ATG2A: variants seen among roughly 807,000 people sequenced by gnomAD.
The protein encoded by ATG2A is autophagy-related protein 2 homolog A.
In ATG2A, 103 loss-of-function variants were observed where a neutral mutation model predicts 214.2. The observed-to-expected ratio is 0.48, with a 90% CI of 0.41 to 0.57. The LOEUF is 0.57. Among genes scored for constraint, ATG2A ranks in the 20% least tolerant of loss-of-function variants. The probability of loss-of-function intolerance (pLI) is 0.00; values close to 1 mark genes in which losing one functional copy is unlikely to be tolerated. For synonymous variants in ATG2A, 1,160 were observed against 1,142.1 expected, an observed-to-expected ratio of 1.02 and a Z score of -0.32; for missense variants, 2,312 against 2,613.2, an observed-to-expected ratio of 0.88 and a Z score of 2.51.
chr11:64,913,447 G>A lies in ATG2A; in HGVS notation c.591-46C>T. 1 of 1,511,312 alleles carries A rather than the reference G, an allele frequency of 6.6e-7. No homozygotes were observed. Among genetic ancestry groups the A allele is most frequent in the Non-Finnish European group, 8.9e-7 (1 of 1,125,724 alleles). 93.6% of individuals were successfully genotyped at this position (1,511,312 alleles called of 1,614,324 possible). On this transcript the variant is annotated intron_variant, in intron 4 of 40. Coordinates refer to ENST00000377264, the MANE Select transcript of ATG2A (RefSeq NM_015104.3). This position sits in a 1 kb window ranked among gnomAD's most constrained non-coding sequence, Gnocchi z 4.3. ...CCGTGCCCTGGCCACCCCAGGCCTGGAGCCCCTCTCTCCACACAGTGCTCT... is the reference window on the plus strand; with the variant it reads ...CCGTGCCCTGGCCACCCCAGGCCTGAAGCCCCTCTCTCCACACAGTGCTCT...
rs1944901171 is a variant in ATG2A, at chr11:64,914,424, G to GCCA, written c.245_247dup (p.Val82dup). 1 of 1,612,306 alleles carries GCCA rather than the reference G, an allele frequency of 6.2e-7. No homozygotes were observed. Among genetic ancestry groups the GCCA allele is most frequent in the Non-Finnish European group, 8.5e-7 (1 of 1,179,662 alleles). ...GGTGAGCAGAGCAGCCCAGGGCACG[G>GCCA]CCACCTCGATGGAGCCCACGAAGCC... On this transcript the variant is annotated inframe_insertion, in exon 2 of 41. Transcript: ENST00000377264.
Position 64,897,006 on chromosome 11 carries a change from G to A in ATG2A, c.5151-137C>T, listed in dbSNP as rs975698736. 3.4e-5 allele frequency: 41 copies of A among 1,198,162 alleles called. No individual in the cohort carries two copies. The African/African-American group carries it at 5.5e-4, about 16-fold the overall frequency. The allele number at this position is 1,198,162 out of a possible 1,614,324, so 74.2% of individuals were successfully genotyped here. A position where few individuals can be genotyped will look rare whatever the true frequency, so the allele number is the denominator to read the frequency against. On this transcript the variant is annotated intron_variant, in intron 37 of 40. Transcript: ENST00000377264. The stretch of plus-strand genomic sequence containing the variant: ...CCTCCCTGTGGTCCCACCCAGTCAT[G>A]TGCAGAGGGACTGTGTCCTTTTTTT...
At position 64,913,058 on chromosome 11, in the gene ATG2A, C is replaced by A; in HGVS notation, c.805G>T (p.Glu269Ter). 1 of 1,564,422 alleles carries A rather than the reference C, an allele frequency of 6.4e-7. No individual in the cohort carries two copies. The highest frequency in any genetic ancestry group is 8.7e-7 in the Non-Finnish European group (1 of 1,154,050). The change falls in exon 6 of 41, where the codon GAG becomes TAG. Residue 269 changes from glutamate to a stop codon, truncating the protein, a stop_gained. Coordinates refer to ENST00000377264, the MANE Select transcript of ATG2A (RefSeq NM_015104.3). LOFTEE classifies it high-confidence loss of function. The surrounding 1 kb of genome is among the most constrained non-coding windows in gnomAD (Gnocchi z 4.3). ...CCCACCTTGGGGCCAGGGAAGGCCT[C>A]ATTTTGCTTCAACTTCACCATCAGC... ...MELMVKLKQN[E>*]AFPGPKLEVA...
chr11:64,905,450 T>C lies in ATG2A; in HGVS notation c.3464+113A>G. ...CGGAAACAATCCACATTCCTGAGAA[T>C]GAGACTATCACCCGGGTGTACATTA... On this transcript the variant is annotated intron_variant, in intron 24 of 40. Coordinates refer to ENST00000377264, the MANE Select transcript of ATG2A (RefSeq NM_015104.3). 2.6e-6 allele frequency: 3 copies of C among 1,164,742 alleles called. No individual in the cohort carries two copies. In the East Asian group the frequency reaches 7.7e-5, roughly 30 times the overall value. 72.2% of individuals were successfully genotyped at this position (1,164,742 alleles called of 1,614,324 possible).
Position 64,898,944 on chromosome 11 carries a change from C to G in ATG2A, c.4465-102G>C. On this transcript the variant is annotated intron_variant, in intron 31 of 40. Coordinates refer to ENST00000377264, the MANE Select transcript of ATG2A (RefSeq NM_015104.3). This position sits in a 1 kb window ranked among gnomAD's most constrained non-coding sequence, Gnocchi z 4.5. Reference sequence around the variant, plus strand: ...CTATTCTTTTTTTGAGACAGAGTCTCACTCTGTCGCCCAGGTTGGAGTGCA... The same window carrying G: ...CTATTCTTTTTTTGAGACAGAGTCTGACTCTGTCGCCCAGGTTGGAGTGCA... 4 of 1,136,758 alleles carry G rather than the reference C, an allele frequency of 3.5e-6. No homozygotes were observed. Among genetic ancestry groups the G allele is most frequent in the Non-Finnish European group, 5.0e-6 (4 of 802,284 alleles). 70.4% of individuals were successfully genotyped at this position (1,136,758 alleles called of 1,614,324 possible). A position where few individuals can be genotyped will look rare whatever the true frequency, so the allele number is the denominator to read the frequency against.
In ATG2A at chr11:64,909,866, G is replaced by T; in HGVS notation, c.1922C>A (p.Ala641Asp). ...AATGGGGAAGCGCAGCCGCAGCGTG[G>T]CCCGGGGTGCAGAGAGCCGAAATAC... is the stretch of plus-strand genomic sequence containing the variant. ...QTVFRLSAPR[A>D]TLRLRFPIAD... Residue 641 changes from alanine to aspartate, a missense_variant, in exon 14 of 41, where the codon GCC becomes GAC. Transcript: ENST00000377264. 1 of 1,609,210 alleles carries T rather than the reference G, an allele frequency of 6.2e-7. No individual in the cohort carries two copies. The highest frequency in any genetic ancestry group is 1.1e-5 in the South Asian group (1 of 90,962).
At position 64,913,756 on chromosome 11, in the gene ATG2A, G is replaced by A. The variant is rs1944870205; in HGVS notation, c.590+65C>T. The A allele has an allele frequency of 2.0e-6, 3 of 1,511,584 alleles. No individual in the cohort carries two copies. Among genetic ancestry groups the A allele is most frequent in the African/African-American group, 1.4e-5 (1 of 72,738 alleles). 93.6% of individuals were successfully genotyped at this position (1,511,584 alleles called of 1,614,324 possible). A position where few individuals can be genotyped will look rare whatever the true frequency, so the allele number is the denominator to read the frequency against. On this transcript the variant is annotated intron_variant, in intron 4 of 40. Coordinates refer to ENST00000377264, the MANE Select transcript of ATG2A (RefSeq NM_015104.3). This position sits in a 1 kb window ranked among gnomAD's most constrained non-coding sequence, Gnocchi z 4.3. ...TCCCAGGAACCTAGGCTGCGGGTGG[G>A]GACCATCCAGCAGCCCCCACTCCCC...
rs868851769 is a variant in ATG2A at position 64,898,309 on chromosome 11, C to T, written c.4725G>A (p.Glu1575=). 6.2e-7 allele frequency: 1 copy of T among 1,612,798 alleles called. No homozygotes were observed. The part of the protein sequence containing the change: ...VAPTTNLGGP[E]CCLRVSLMPL... ...GCATCAGCGAGACGCGGAGACAGCACTCAGGCCCACCCAGGTTGGTAGTGG... is the reference window on the plus strand; with the variant it reads ...GCATCAGCGAGACGCGGAGACAGCATTCAGGCCCACCCAGGTTGGTAGTGG... Residue 1575 remains glutamate, a synonymous_variant, in exon 33 of 41, where the codon GAG becomes GAA. Transcript: ENST00000377264. The surrounding 1 kb of genome is among the most constrained non-coding windows in gnomAD (Gnocchi z 4.5).
At position 64,912,385 on chromosome 11, in the gene ATG2A, G is replaced by A; in HGVS notation, c.864C>T (p.Leu288=). Residue 288 remains leucine (L), a synonymous_variant, in exon 7 of 41, where the codon CTC becomes CTT. Transcript: ENST00000377264. ...GTTGCTGGAGCTGCCTCGGGGTCAG[G>A]AGCAGGTGCAGGGAGCCCAGCTGTC... is the stretch of plus-strand genomic sequence containing the variant. The part of the protein sequence containing the change: ...VAGQLGSLHL[L]LTPRQLQQLQ... The A allele has an allele frequency of 6.4e-7, 1 of 1,559,248 alleles. No individual in the cohort carries two copies. Among genetic ancestry groups the A allele is most frequent in the Non-Finnish European group, 8.7e-7 (1 of 1,151,896 alleles).
intron 1 of ATG2A, among the ~76,000 whole-genome samples, chr11:64,915,081 G>A (rs1165562335): frequency 6.6e-6 from 1 of 151,798 alleles, no homozygotes; most frequent in African/African-American, 2.4e-5. Flanking sequence ...TGGATGAGCA[G>A]AGTTCAAAGG....
In ATG2A at chr11:64,913,338, C is replaced by T. The variant is rs145850472; in HGVS notation, c.654G>A (p.Gln218=). The T allele has an allele frequency of 1.3e-5, 21 of 1,606,490 alleles. No individual in the cohort carries two copies. In the African/African-American group the frequency reaches 2.5e-4, roughly 19 times the overall value. The change falls in exon 5 of 41, where the codon CAG becomes CAA. Residue 218 remains glutamine (Q), a synonymous_variant. Coordinates refer to ENST00000377264, the MANE Select transcript of ATG2A (RefSeq NM_015104.3). This position sits in a 1 kb window ranked among gnomAD's most constrained non-coding sequence, Gnocchi z 4.3. ...PSQAPPVDVH[Q]PPAFLHKLLQ... is the part of the protein sequence containing the mutation. The stretch of plus-strand genomic sequence containing the variant: ...GCAGCTTGTGCAGGAAGGCAGGCGG[C>T]TGATGCACGTCCACCGGCGGCGCCT...
intron 1 of ATG2A, 156 bp downstream of exon 1, chr11:64,916,809 G>A (rs1000775364): frequency 3.1e-5 from 30 of 970,380 alleles, no homozygotes; most frequent in Middle Eastern, 6.4e-4. Context: ...AACTGAAGAG[G>A]CCAGCCGGGG....
chr11:64,915,089 A>G (rs890092546), intron 1 of ATG2A, among the ~76,000 whole-genome samples: 3 of 151,404 alleles, frequency 2.0e-5, no homozygotes, highest in Non-Finnish European at 4.4e-5. Flanking sequence ...CAGAGTTCAA[A>G]GGGACAGTGT....
chr11:64,908,036 A>G, intron 16 of ATG2A, 146 bp from the exon 17 acceptor site: 1 of 978,854 alleles, frequency 1.0e-6, no homozygotes, highest in Non-Finnish European at 1.5e-6. Context: ...TGATAGCCGT[A>G]CAGATACAGT....
rs58950883 is a variant in ATG2A, at chr11:64,911,070, G to A, written c.1434C>T (p.Arg478=). 2 of 1,613,866 alleles carry A rather than the reference G, an allele frequency of 1.2e-6. No individual in the cohort carries two copies. The highest frequency in any genetic ancestry group is 1.7e-6 in the Non-Finnish European group (2 of 1,180,032). The change falls in exon 10 of 41, where the codon CGC becomes CGT. Residue 478 remains arginine, a synonymous_variant. Transcript: ENST00000377264. ...GSRDFHHLRP[R]FQRACPCSHV... is the part of the protein sequence containing the mutation. ...GGCTACAGGGACAGGCCCTCTGGAA[G>A]CGTGGTCGAAGGTGATGGAAGTCTC...
Position 64,898,399 on chromosome 11 carries a change from C to T in ATG2A, c.4672-37G>A, listed in dbSNP as rs375562657. The T allele has an allele frequency of 1.6e-5, 25 of 1,527,152 alleles. No individual in the cohort carries two copies. The African/African-American group carries it at 2.9e-4, about 18-fold the overall frequency. The allele number at this position is 1,527,152 out of a possible 1,614,324, so 94.6% of individuals were successfully genotyped here. On this transcript the variant is annotated intron_variant, in intron 32 of 40. Coordinates refer to ENST00000377264, the MANE Select transcript of ATG2A (RefSeq NM_015104.3). The surrounding 1 kb of genome is among the most constrained non-coding windows in gnomAD (Gnocchi z 4.5). Reference sequence around the variant, plus strand: ...GGGTGAGTTCTGGACACCTGCTGGGCCTCTGGGGCAGCAGCTCACCCAGCT... The same window carrying T: ...GGGTGAGTTCTGGACACCTGCTGGGTCTCTGGGGCAGCAGCTCACCCAGCT...
Position 64,895,325 on chromosome 11 carries a change from C to T in ATG2A, c.5545G>A (p.Glu1849Lys), listed in dbSNP as rs1354829842. ...GTGTCGTAGGCCTTGGCCACACCCT[C>T]CCGCAGGTCGGCAGGCTGCTGGCCC... ...RRGQQPADLR[E>K]GVAKAYDTVR... Residue 1849 changes from glutamate (E) to lysine (K), a missense_variant, in exon 40 of 41, where the codon GAG becomes AAG. Transcript: ENST00000377264. The surrounding 1 kb of genome is among the most constrained non-coding windows in gnomAD (Gnocchi z 5.0). 3 of 1,613,452 alleles carry T rather than the reference C, an allele frequency of 1.9e-6. No individual in the cohort carries two copies. Among genetic ancestry groups the T allele is most frequent in the Non-Finnish European group, 2.5e-6 (3 of 1,179,884 alleles).
chr11:64,913,115 AG>A lies in ATG2A; in HGVS notation c.747del (p.Leu250CysfsTer12). ...TACCCTGAGCAGCTGCCGATCTGCA[AG>A]GGGGGCTCTGGAGGCTCTTCCTGGG... ...LPAQEEPPEP[P>X]LQIGSCSGYM... On this transcript the variant is annotated frameshift_variant, in exon 6 of 41. Coordinates refer to ENST00000377264, the MANE Select transcript of ATG2A (RefSeq NM_015104.3). LOFTEE classifies it high-confidence loss of function. The surrounding 1 kb of genome is among the most constrained non-coding windows in gnomAD (Gnocchi z 4.3). 1 of 1,579,218 alleles carries A rather than the reference AG, an allele frequency of 6.3e-7. No homozygotes were observed. Among genetic ancestry groups the A allele is most frequent in the Non-Finnish European group, 8.6e-7 (1 of 1,159,160 alleles).
Position 64,911,885 on chromosome 11 carries a change from G to A in ATG2A, c.1185C>T (p.Ser395=), listed in dbSNP as rs767173132. The A allele has an allele frequency of 2.3e-5, 37 of 1,613,430 alleles. No homozygotes were observed. The East Asian group carries it at 2.9e-4, about 13-fold the overall frequency. Residue 395 remains serine (S), a synonymous_variant, in exon 9 of 41, where the codon AGC becomes AGT. Transcript: ENST00000377264. ...SDVDLASSVR[S]DMASRRLSAQ... is the part of the protein sequence containing the mutation. ...CAGAGAGCCGGCGGGAGGCCATGTCGCTGCGCACAGAGGAGGCCAGGTCTA... is the reference window on the plus strand; with the variant it reads ...CAGAGAGCCGGCGGGAGGCCATGTCACTGCGCACAGAGGAGGCCAGGTCTA...
Sources: allele counts gnomAD v4.1 joint callset (sites outside exome capture counted in the v4.1 genomes callset), GRCh38; gene constraint gnomAD v4.1.1; non-coding constraint Gnocchi (gnomAD v3.1); transcripts MANE v1.5; gene names NCBI Gene and HGNC (gene_info 2026-07-23, HGNC 2026-07-21).